DCDC1: variants seen among roughly 807,000 people sequenced by gnomAD.
DCDC1 encodes the protein doublecortin domain containing 1.
DCDC1 carries 200 observed loss-of-function variants against 178.3 expected under a neutral mutation model. The observed-to-expected ratio is 1.12, with a 90% CI of 1.00 to 1.26. The LOEUF (loss-of-function observed/expected upper bound fraction) is 1.26. Ranked by LOEUF, DCDC1 falls within the 50% of genes most tolerant of loss-of-function variation. The pLI, the probability that DCDC1 is intolerant of heterozygous loss-of-function variation, is 0.00. For missense variants in DCDC1, 1,983 were observed against 1,749.2 expected (o/e 1.13, Z -2.38); for synonymous variants, 690 against 604.8 (o/e 1.14, Z -2.07).
At chr11:31,334,455 G>C (rs865997772) in intron 2 of DCDC1, among the ~76,000 whole-genome samples, 1 of 152,204 alleles carries the variant, frequency 6.6e-6, no homozygotes, top group East Asian at 1.9e-4. Flanking sequence ...TGGAGGAGAA[G>C]AGGTGCTCTG....
chr11:31,235,035 A>C (rs187505153), intron 9 of DCDC1, among the ~76,000 whole-genome samples: 1 of 152,132 alleles, frequency 6.6e-6, no homozygotes, highest in Non-Finnish European at 1.5e-5. Flanking sequence ...TGGAGTTTTT[A>C]AAATGCAATA....
chr11:31,173,757 C>A (rs1414097694), intron 9 of DCDC1, among the ~76,000 whole-genome samples: 1 of 103,726 alleles, frequency 9.6e-6, no homozygotes, highest in Non-Finnish European at 2.2e-5. Context: ...CACACACACA[C>A]AAACACACAC....
chr11:31,345,910 C>T (rs1591820673), intron 1 of DCDC1, among the ~76,000 whole-genome samples: 1 of 152,096 alleles, frequency 6.6e-6, no homozygotes, highest in Admixed American at 6.5e-5. Context: ...TTTGTCCAGG[C>T]AATGCTTGTC....
intron 9 of DCDC1, among the ~76,000 whole-genome samples, chr11:31,224,999 C>T (rs1212917561): frequency 6.6e-6 from 1 of 152,030 alleles, no homozygotes; most frequent in Non-Finnish European, 1.5e-5. Context: ...TCCAGCAATC[C>T]CACTACTAGG....
At chr11:31,362,801 T>C (rs1951778428) in intron 1 of DCDC1, among the ~76,000 whole-genome samples, 1 of 152,294 alleles carries the variant, frequency 6.6e-6, no homozygotes, top group Middle Eastern at 3.4e-3. Context: ...TTTTTTAAGA[T>C]GTGTGGTTTC....
chr11:31,302,942 A>G (rs532815136), intron 6 of DCDC1, among the ~76,000 whole-genome samples: 72 of 152,332 alleles, frequency 4.7e-4, no homozygotes, highest in African/African-American at 1.7e-3. Flanking sequence ...TGGCCTTCCA[A>G]TGCCAGAAAT....
intron 9 of DCDC1, among the ~76,000 whole-genome samples, chr11:31,172,326 C>A (rs1281618717): frequency 6.6e-6 from 1 of 151,814 alleles, no homozygotes; most frequent in Non-Finnish European, 1.5e-5. Context: ...AGCATAGACA[C>A]TAGGGGTCAT....
At chr11:30,898,864 GA>G (rs748059809) in intron 34 of DCDC1, among the ~76,000 whole-genome samples, 21 of 152,154 alleles carry the variant, frequency 1.4e-4, no homozygotes, top group Non-Finnish European at 5.9e-5. Flanking sequence ...TACTGAGTTT[GA>G]AATGTGTTCC....
At chr11:31,010,669 A>T (rs1952118314) in intron 20 of DCDC1, among the ~76,000 whole-genome samples, 1 of 152,222 alleles carries the variant, frequency 6.6e-6, no homozygotes, top group Non-Finnish European at 1.5e-5. Flanking sequence ...AGGTCACTTT[A>T]TGGTGTGTCT....
At chr11:31,053,005 T>A (rs192859458) in intron 20 of DCDC1, among the ~76,000 whole-genome samples, 1 of 151,128 alleles carries the variant, frequency 6.6e-6, no homozygotes, top group Non-Finnish European at 1.5e-5. Context: ...CTAAATGAAA[T>A]GGAAACAAAA....
chr11:31,207,502 G>A (rs1055811748), intron 9 of DCDC1, among the ~76,000 whole-genome samples: 4 of 151,900 alleles, frequency 2.6e-5, no homozygotes, highest in African/African-American at 9.7e-5. Flanking sequence ...TCTTCTCTCC[G>A]CCCATTTTAC....
intron 9 of DCDC1, among the ~76,000 whole-genome samples, chr11:31,153,579 T>A (rs1965399503): frequency 6.6e-6 from 1 of 152,012 alleles, no homozygotes; most frequent in Non-Finnish European, 1.5e-5. Flanking sequence ...GGTCAGGAGT[T>A]CCAGACCAGC....
intron 38 of DCDC1, among the ~76,000 whole-genome samples, chr11:30,877,721 A>G (rs532951495): frequency 1.3e-5 from 2 of 152,246 alleles, no homozygotes; most frequent in Admixed American, 6.5e-5. Context: ...GAGAAATTGA[A>G]GAAGAAAGCA....
chr11:31,106,329 T>C (rs1958839913), intron 13 of DCDC1, among the ~76,000 whole-genome samples: 1 of 152,206 alleles, frequency 6.6e-6, no homozygotes, highest in African/African-American at 2.4e-5. Context: ...CATAGAGAGA[T>C]AGTGGGGAAT....
intron 2 of DCDC1, among the ~76,000 whole-genome samples, chr11:31,334,257 T>C (rs1217330977): frequency 6.6e-6 from 1 of 152,152 alleles, no homozygotes; most frequent in Non-Finnish European, 1.5e-5. Flanking sequence ...GTCTATACTG[T>C]TTATTCTAGT....
At chr11:30,938,786 G>T (rs540723130) in intron 21 of DCDC1, among the ~76,000 whole-genome samples, 11 of 152,222 alleles carry the variant, frequency 7.2e-5, no homozygotes, top group Non-Finnish European at 1.0e-4. Context: ...ATAGTTTGGG[G>T]GTTATTTCCC....
chr11:31,336,040 C>G (rs916986930), intron 1 of DCDC1, among the ~76,000 whole-genome samples: 3 of 152,104 alleles, frequency 2.0e-5, no homozygotes, highest in African/African-American at 4.8e-5. Flanking sequence ...CAGAAAAAAA[C>G]CATTGTGCCC....
intron 7 of DCDC1, among the ~76,000 whole-genome samples, chr11:31,270,331 A>G (rs1027161640): frequency 6.6e-6 from 1 of 152,254 alleles, no homozygotes; most frequent in African/African-American, 2.4e-5. Context: ...TCATTTACAT[A>G]TCTTCTATGG....
At chr11:31,359,139 G>A (rs1456806516) in intron 1 of DCDC1, among the ~76,000 whole-genome samples, 2 of 152,092 alleles carry the variant, frequency 1.3e-5, no homozygotes, top group Non-Finnish European at 2.9e-5. Context: ...GCACACGTAT[G>A]TTTATTGTGG....
Sources: allele counts gnomAD v4.1 joint callset (sites outside exome capture counted in the v4.1 genomes callset), GRCh38; gene constraint gnomAD v4.1.1; transcripts MANE v1.5; gene names NCBI Gene and HGNC (gene_info 2026-07-23, HGNC 2026-07-21).